TAFA5: variants seen among roughly 807,000 people sequenced by gnomAD.
TAFA5 encodes the protein TAFA chemokine like family member 5.
A neutral mutation model predicts 15.3 loss-of-function variants in TAFA5; 6 were observed. That is an observed-to-expected ratio of 0.39 (90% CI 0.21 to 0.77). The LOEUF (loss-of-function observed/expected upper bound fraction) is 0.77, where lower values mean the gene tolerates loss of function less well. TAFA5 is among the 30% of genes least tolerant of loss of function. The pLI, the probability that TAFA5 is intolerant of heterozygous loss-of-function variation, is 0.41. For synonymous variants in TAFA5, 103 were observed against 80.7 expected, an observed-to-expected ratio of 1.28 and a Z score of -1.48; for missense variants, 161 against 193.1, an observed-to-expected ratio of 0.83 and a Z score of 0.98.
At chr22:48,507,832 C>T (rs564684672) in intron 1 of TAFA5, among the ~76,000 whole-genome samples, 17 of 152,218 alleles carry the variant, frequency 1.1e-4, no homozygotes, top group East Asian at 3.9e-4. Context: ...CCAAGGCCAG[C>T]GCTAGGTGTT....
chr22:48,699,509 C>A (rs944704089), intron 2 of TAFA5, among the ~76,000 whole-genome samples: 1 of 152,054 alleles, frequency 6.6e-6, no homozygotes, highest in Admixed American at 6.6e-5. Context: ...GCTGGCTCTC[C>A]GTGTGTATAC....
At chr22:48,669,175 C>A (rs1927722112) in intron 2 of TAFA5, among the ~76,000 whole-genome samples, 2 of 152,230 alleles carry the variant, frequency 1.3e-5, no homozygotes, top group African/African-American at 4.8e-5. Flanking sequence ...ACTTTCCAGT[C>A]CCTGGAACTG....
intron 2 of TAFA5, among the ~76,000 whole-genome samples, chr22:48,702,600 C>A (rs1362564070): frequency 1.3e-5 from 2 of 152,142 alleles, no homozygotes; most frequent in African/African-American, 4.8e-5. Context: ...CCAGGTTAGC[C>A]CCTGTGGATG....
At chr22:48,556,400 C>T (rs1226439163) in intron 1 of TAFA5, among the ~76,000 whole-genome samples, 1 of 152,194 alleles carries the variant, frequency 6.6e-6, no homozygotes, top group African/African-American at 2.4e-5. Flanking sequence ...TGCAGAGGCT[C>T]CCGGAATTAC....
chr22:48,638,573 A>G (rs1419156854), intron 1 of TAFA5, among the ~76,000 whole-genome samples: 4 of 124,890 alleles, frequency 3.2e-5, no homozygotes, highest in South Asian at 5.8e-4. Context: ...CCCCGACACT[A>G]AGCCCTGGGT....
chr22:48,531,480 G>C (rs16999339), intron 1 of TAFA5, among the ~76,000 whole-genome samples: 5,109 of 152,246 alleles, frequency 0.034, 286 homozygotes, highest in African/African-American at 0.12. Context: ...GGCAGACTTC[G>C]AGGTCCCTGA....
intron 3 of TAFA5, among the ~76,000 whole-genome samples, chr22:48,717,272 GACTCCTGACCTGGA>G (rs1381807220): frequency 6.6e-6 from 1 of 152,216 alleles, no homozygotes; most frequent in Non-Finnish European, 1.5e-5. Flanking sequence ...CGCAGGCTGC[GACTCCTGACCTGGA>G]ACTCCATCAC....
At chr22:48,658,011 A>G (rs1010589060) in intron 2 of TAFA5, among the ~76,000 whole-genome samples, 18 of 152,226 alleles carry the variant, frequency 1.2e-4, no homozygotes, top group Non-Finnish European at 7.3e-5. Flanking sequence ...AGCGTCTACA[A>G]GAAGAAATAT....
intron 2 of TAFA5, among the ~76,000 whole-genome samples, chr22:48,695,249 A>G (rs1297992960): frequency 6.6e-6 from 1 of 152,036 alleles, no homozygotes; most frequent in African/African-American, 2.4e-5. Flanking sequence ...TGAATCCTCC[A>G]TCACCAGCCA....
At chr22:48,607,563 A>G (rs1259513283) in intron 1 of TAFA5, among the ~76,000 whole-genome samples, 3 of 131,070 alleles carry the variant, frequency 2.3e-5, no homozygotes, top group Non-Finnish European at 4.9e-5. Context: ...GGCCTGGCCC[A>G]CCCATCCCAG....
chr22:48,730,278 C>T (rs1929832630), intron 3 of TAFA5, among the ~76,000 whole-genome samples: 1 of 152,022 alleles, frequency 6.6e-6, no homozygotes, highest in Non-Finnish European at 1.5e-5. Flanking sequence ...CAGCTACTTT[C>T]AGGAGGCTGA....
chr22:48,661,171 G>C (rs997213834), intron 2 of TAFA5, among the ~76,000 whole-genome samples: 1 of 152,146 alleles, frequency 6.6e-6, no homozygotes, highest in African/African-American at 2.4e-5. Flanking sequence ...CTGCAGTTGG[G>C]GTCACTGGCG....
chr22:48,679,328 C>G (rs1463091754), intron 2 of TAFA5, among the ~76,000 whole-genome samples: 43 of 25,974 alleles, frequency 1.7e-3, no homozygotes, highest in East Asian at 6.6e-3. Flanking sequence ...ATCCCTCTCC[C>G]GGCTCCCCGT....
intron 2 of TAFA5, among the ~76,000 whole-genome samples, chr22:48,703,633 C>A (rs1016406349): frequency 6.6e-6 from 1 of 152,246 alleles, no homozygotes; most frequent in African/African-American, 2.4e-5. Flanking sequence ...TGGCCTGCGC[C>A]GTATCCACCC....
rs560094679 is a variant in TAFA5 at position 48,590,356 on chromosome 22, C to T, written c.113-56241C>T. Among the ~76,000 whole-genome samples the T allele has an allele frequency of 6.6e-5, 10 of 152,314 alleles. No homozygotes were observed. In the East Asian group the frequency reaches 7.7e-4, roughly 12 times the overall value. The stretch of plus-strand genomic sequence containing the variant: ...CAAGATGGTTTTATGCGGATGCGGA[C>T]GGGCATTTGTTATTTTAATAGCTGT... On this transcript the variant is annotated intron_variant, in intron 1 of 3. Transcript: ENST00000402357.
chr22:48,502,711 G>A (rs6008742), intron 1 of TAFA5, among the ~76,000 whole-genome samples: 2 of 151,758 alleles, frequency 1.3e-5, no homozygotes, highest in African/African-American at 2.4e-5. Context: ...TAGAAGAGAC[G>A]TGGTTTTGCC....
At chr22:48,703,090 TGTGTGC>T (rs1928965066) in intron 2 of TAFA5, among the ~76,000 whole-genome samples, 1 of 150,314 alleles carries the variant, frequency 6.7e-6, no homozygotes, top group South Asian at 2.1e-4. Context: ...CGTGTGTGCA[TGTGTGC>T]GTGTGTGCTG....
chr22:48,618,001 AT>A (rs1925673307), intron 1 of TAFA5, among the ~76,000 whole-genome samples: 1 of 152,220 alleles, frequency 6.6e-6, no homozygotes, highest in Non-Finnish European at 1.5e-5. Flanking sequence ...ACAAAGGGAA[AT>A]TCAGGCCACT....
rs748885587 is a variant in TAFA5 at position 48,566,722 on chromosome 22, G to A, written c.112+77018G>A. 2.2e-4 allele frequency among the ~76,000 whole-genome samples: 33 copies of A among 152,208 alleles called. No homozygotes were observed. The highest frequency in any genetic ancestry group is 7.7e-4 in the African/African-American group (32 of 41,448). ...CCTAAGAAGGTTGTGAGAACTAAAC[G>A]GGGTGAGGTGTGTAAAGGGTGTGGC... On this transcript the variant is annotated intron_variant, in intron 1 of 3. Transcript: ENST00000402357. The surrounding 1 kb of genome is among the most constrained non-coding windows in gnomAD (Gnocchi z 4.5).
Sources: allele counts gnomAD v4.1 joint callset (sites outside exome capture counted in the v4.1 genomes callset), GRCh38; gene constraint gnomAD v4.1.1; non-coding constraint Gnocchi (gnomAD v3.1); transcripts MANE v1.5; gene names NCBI Gene and HGNC (gene_info 2026-07-23, HGNC 2026-07-21).